Variants in ZNF280D observed in about 807,000 individuals in gnomAD.
The protein encoded by ZNF280D is zinc finger protein 280D.
In ZNF280D, 39 loss-of-function variants were observed where a neutral mutation model predicts 94.7. That is an observed-to-expected ratio of 0.41 (90% CI 0.32 to 0.54). The LOEUF is 0.54. ZNF280D is among the 20% of genes least tolerant of loss of function. The pLI is 0.22. For synonymous variants in ZNF280D, 398 were observed against 377.6 expected (o/e 1.05, Z -0.63); for missense variants, 1,090 against 1,149.3 (o/e 0.95, Z 0.75).
intron 20 of ZNF280D, among the ~76,000 whole-genome samples, chr15:56,642,428 G>A (rs2052673230): frequency 6.6e-6 from 1 of 151,750 alleles, no homozygotes; most frequent in Non-Finnish European, 1.5e-5. Flanking sequence ...AAGAAAGCAA[G>A]TAGTTGAGCA....
At chr15:56,660,921 G>T (rs539926114) in intron 16 of ZNF280D, among the ~76,000 whole-genome samples, 2 of 151,792 alleles carry the variant, frequency 1.3e-5, no homozygotes, top group South Asian at 2.1e-4. Context: ...ACTAGAGGCC[G>T]ATGATACAAC....
chr15:56,669,477 G>A (rs1425292941), intron 13 of ZNF280D, among the ~76,000 whole-genome samples: 1 of 151,872 alleles, frequency 6.6e-6, no homozygotes, highest in East Asian at 2.0e-4. Flanking sequence ...AAATATTTGA[G>A]AGCTGTATTG....
chr15:56,671,160 C>T (rs2054838393), intron 13 of ZNF280D, among the ~76,000 whole-genome samples: 1 of 152,066 alleles, frequency 6.6e-6, no homozygotes, highest in African/African-American at 2.4e-5. Context: ...TTTTGCTGTG[C>T]AGAAGCTCTT....
chr15:56,733,398 C>G, intron 1 of ZNF280D, 60 bp downstream of exon 1: 1 of 960,550 alleles, frequency 1.0e-6, no homozygotes, highest in Non-Finnish European at 1.2e-6. Flanking sequence ...CGGCGCAGGC[C>G]GCGCGGGAGG....
intron 1 of ZNF280D, among the ~76,000 whole-genome samples, chr15:56,717,125 G>A (rs1254452982): frequency 6.6e-6 from 1 of 152,242 alleles, no homozygotes; most frequent in African/African-American, 2.4e-5. Context: ...ATTGTGATAG[G>A]TTTGGGCTTA....
chr15:56,666,603 T>C (rs1464994091), intron 15 of ZNF280D, 68 bp from the exon 16 acceptor site: 11 of 1,519,612 alleles, frequency 7.2e-6, no homozygotes, highest in Non-Finnish European at 8.8e-6. Flanking sequence ...AGAGCCTTAA[T>C]AATGTTCTCT....
intron 16 of ZNF280D, among the ~76,000 whole-genome samples, chr15:56,659,808 G>C (rs778151987): frequency 3.3e-5 from 5 of 151,258 alleles, no homozygotes; most frequent in Admixed American, 6.6e-5. Context: ...ACACGCTAAA[G>C]TTTAAGAAAC....
intron 4 of ZNF280D, among the ~76,000 whole-genome samples, chr15:56,703,163 A>G (rs1275075559): frequency 3.3e-5 from 5 of 152,174 alleles, no homozygotes; most frequent in African/African-American, 1.2e-4. Context: ...GTCAAGCCCA[A>G]TTCTCTAATT....
intron 17 of ZNF280D, 109 bp from the exon 18 acceptor site, chr15:56,654,612 C>CT (rs1338854623): frequency 9.5e-6 from 9 of 945,696 alleles, no homozygotes; most frequent in Admixed American, 2.5e-5. Flanking sequence ...ATAACTATAA[C>CT]TTCCCATTTT....
At chr15:56,712,876 G>C (rs1276850808) in intron 1 of ZNF280D, among the ~76,000 whole-genome samples, 6 of 151,704 alleles carry the variant, frequency 4.0e-5, no homozygotes, top group Admixed American at 6.6e-5. Context: ...GAGTAGCTGG[G>C]ATTATAGGTG....
chr15:56,732,302 T>C (rs1252023710), intron 1 of ZNF280D, among the ~76,000 whole-genome samples: 2 of 152,164 alleles, frequency 1.3e-5, no homozygotes, highest in South Asian at 2.1e-4. Flanking sequence ...TCAGGGGTTA[T>C]CAATGAAAGG....
intron 20 of ZNF280D, among the ~76,000 whole-genome samples, 156 bp downstream of exon 20, chr15:56,642,796 G>C (rs1596332159): frequency 6.6e-6 from 1 of 151,674 alleles, no homozygotes; most frequent in East Asian, 1.9e-4. Flanking sequence ...ATTTTTATAT[G>C]TAATGAAAAA....
chr15:56,668,174 G>A (rs1285415466), intron 14 of ZNF280D: 1 of 454,500 alleles, frequency 2.2e-6, no homozygotes, highest in Non-Finnish European at 4.4e-6. Context: ...TAAATGTTTT[G>A]GGGATTATTC....
At chr15:56,678,901 A>G (rs1296661634) in intron 10 of ZNF280D, 80 bp from the exon 11 acceptor site, 46 of 1,317,330 alleles carry the variant, frequency 3.5e-5, no homozygotes, top group Non-Finnish European at 4.5e-5. Flanking sequence ...TCTGAACCTA[A>G]ATCTTAAAAA....
chr15:56,730,618 A>C (rs1396407744), intron 1 of ZNF280D: 1 of 152,228 alleles, frequency 6.6e-6, no homozygotes, highest in African/African-American at 2.4e-5. Flanking sequence ...AAATGGTCCT[A>C]AGCAAACTTT....
rs776499862 is a variant in ZNF280D, at chr15:56,693,263, AATT to A, written c.382-51_382-49del. On this transcript the variant is annotated intron_variant, in intron 6 of 21. Coordinates refer to ENST00000267807, the MANE Select transcript of ZNF280D (RefSeq NM_017661.4). ...AATAATACATTTATTCAACAGTTATAATTATTTCAATATAATTATATATTATGT... is the reference window on the plus strand; with the variant it reads ...AATAATACATTTATTCAACAGTTATAATTTCAATATAATTATATATTATGT... The A allele has an allele frequency of 5.3e-5, 31 of 584,920 alleles. 1 individual carries two copies. The highest frequency in any genetic ancestry group is 1.8e-5 in the Non-Finnish European group (7 of 381,194). The allele number at this position is 584,920 out of a possible 1,614,324, so 36.2% of individuals were successfully genotyped here.
At chr15:56,709,070 C>G (rs1229579574) in intron 1 of ZNF280D, among the ~76,000 whole-genome samples, 1 of 152,072 alleles carries the variant, frequency 6.6e-6, no homozygotes, top group East Asian at 1.9e-4. Context: ...AGTGAACAGG[C>G]AACCTACAGA....
At chr15:56,632,705 A>G (rs2140488242) in intron 21 of ZNF280D, among the ~76,000 whole-genome samples, 1 of 151,814 alleles carries the variant, frequency 6.6e-6, no homozygotes, top group East Asian at 1.9e-4. Context: ...CATGTTGCCC[A>G]GGCTGGTCTC....
chr15:56,698,173 C>T (rs961774799), intron 6 of ZNF280D: 1 of 152,164 alleles, frequency 6.6e-6, no homozygotes, highest in Non-Finnish European at 1.5e-5. Flanking sequence ...AATCATTGGT[C>T]TATCTTAGCT....
Sources: allele counts gnomAD v4.1 joint callset (sites outside exome capture counted in the v4.1 genomes callset), GRCh38; gene constraint gnomAD v4.1.1; transcripts MANE v1.5; gene names NCBI Gene and HGNC (gene_info 2026-07-23, HGNC 2026-07-21).